Variants in SDS observed in about 807,000 individuals in gnomAD.
The protein encoded by SDS is serine dehydratase.
In SDS, 19 loss-of-function variants were observed where a neutral mutation model predicts 29.3. The ratio of observed to expected loss-of-function variants is 0.65; its 90% confidence interval spans 0.45 to 0.95. The LOEUF is 0.95. SDS is among the 40% of genes least tolerant of loss of function. The pLI, the probability that SDS is intolerant of heterozygous loss-of-function variation, is 0.00. For synonymous variants in SDS, 176 were observed against 189.0 expected (o/e 0.93, Z 0.56); for missense variants, 375 against 439.9 (o/e 0.85, Z 1.32).
intron 1 of SDS, among the ~76,000 whole-genome samples, chr12:113,402,359 C>G (rs898475840): frequency 6.6e-6 from 1 of 152,102 alleles, no homozygotes; most frequent in African/African-American, 2.4e-5. Context: ...GCGGCATGAT[C>G]TCGGCTCACT....
At chr12:113,402,378 C>T (rs1048184473) in intron 1 of SDS, among the ~76,000 whole-genome samples, 10 of 152,112 alleles carry the variant, frequency 6.6e-5, no homozygotes, top group African/African-American at 1.9e-4. Context: ...CTGCAACCTC[C>T]GCCTTCTGGG....
At chr12:113,393,581 C>G (rs1957624949) in intron 7 of SDS, among the ~76,000 whole-genome samples, 1 of 152,158 alleles carries the variant, frequency 6.6e-6, no homozygotes, top group African/African-American at 2.4e-5. Context: ...ACTCTGAGCC[C>G]CATGTTTTCC....
intron 7 of SDS, 146 bp from the exon 8 acceptor site, chr12:113,393,295 T>A (rs1957623242): frequency 1.3e-6 from 1 of 794,772 alleles, no homozygotes; most frequent in African/African-American, 1.7e-5. Context: ...AAACGTCCCG[T>A]CATCGGCCTG....
intron 1 of SDS, 23 bp from the exon 2 acceptor site, chr12:113,399,733 A>G: frequency 2.6e-6 from 4 of 1,543,456 alleles, no homozygotes; most frequent in Non-Finnish European, 3.5e-6. Context: ...AAGGAAACCC[A>G]GAGGGTTAGG....
chr12:113,398,132 G>A (rs929074712), intron 5 of SDS, among the ~76,000 whole-genome samples: 4 of 150,074 alleles, frequency 2.7e-5, no homozygotes, highest in African/African-American at 4.9e-5. Flanking sequence ...GTGCAGTGGC[G>A]TGATCATGGC....
chr12:113,400,937 A>C (rs1405761527), intron 1 of SDS, among the ~76,000 whole-genome samples: 1 of 152,142 alleles, frequency 6.6e-6, no homozygotes, highest in African/African-American at 2.4e-5. Flanking sequence ...GCGGATCACG[A>C]GGTCAGGAGA....
chr12:113,396,567 TTCC>T (rs1250610650), intron 6 of SDS: 1 of 98,008 alleles, frequency 1.0e-5, no homozygotes, highest in African/African-American at 3.9e-5. Context: ...CCTTCCTTCC[TTCC>T]TTCCTTCCTT....
In SDS at chr12:113,397,309, C is replaced by A; in HGVS notation, c.509G>T (p.Gly170Val). The A allele has an allele frequency of 6.2e-7, 1 of 1,614,092 alleles. No individual in the cohort carries two copies. Among genetic ancestry groups the A allele is most frequent in the Non-Finnish European group, 8.5e-7 (1 of 1,179,954 alleles). The part of the protein sequence containing the change: ...PGAIALSVGG[G>V]GLLCGVVQGL... Reference sequence around the variant, plus strand: ...CTGGACCACTCCACACAGCAGGCCCCCGCCGCCCACTGACAGCGCGATGGC... The same window carrying A: ...CTGGACCACTCCACACAGCAGGCCCACGCCGCCCACTGACAGCGCGATGGC... Residue 170 changes from glycine to valine, a missense_variant, in exon 6 of 8, where the codon GGG becomes GTG. By Grantham distance (109) the Gly-to-Val change is moderately radical. Transcript: ENST00000257549.
At chr12:113,399,222 G>C in intron 2 of SDS, 71 bp from the exon 3 acceptor site, 1 of 1,513,432 alleles carries the variant, frequency 6.6e-7, no homozygotes, top group East Asian at 2.3e-5. Flanking sequence ...TCCCCACCTG[G>C]AATACCTGCC....
chr12:113,398,061 CTTT>C (rs71443028), intron 5 of SDS, among the ~76,000 whole-genome samples: 7 of 130,818 alleles, frequency 5.4e-5, no homozygotes, highest in Admixed American at 7.7e-5. Context: ...TGTGTTTCTT[CTTT>C]TTTTTTTTTT....
At chr12:113,398,405 T>G in intron 5 of SDS, 110 bp downstream of exon 5, 2 of 720,872 alleles carry the variant, frequency 2.8e-6, no homozygotes, top group Non-Finnish European at 2.4e-6. Flanking sequence ...TGCGCACACA[T>G]GTGCAGCTGC....
chr12:113,403,419 GA>G, intron 1 of SDS, among the ~76,000 whole-genome samples: 1 of 152,158 alleles, frequency 6.6e-6, no homozygotes, highest in Non-Finnish European at 1.5e-5. Flanking sequence ...AGCTACTCGG[GA>G]GGCTGAGGCA....
chr12:113,401,779 C>T (rs1957685928), intron 1 of SDS, among the ~76,000 whole-genome samples: 2 of 152,118 alleles, frequency 1.3e-5, no homozygotes, highest in African/African-American at 4.8e-5. Context: ...CCACGTCCAC[C>T]CACCCAGCCT....
chr12:113,398,608 T>C lies in SDS; in HGVS notation c.334-2A>G, dbSNP rs746417153. On this transcript the variant is annotated splice_acceptor_variant, in intron 4 of 7. Transcript: ENST00000257549. LOFTEE classifies it high-confidence loss of function. ...CAGCTCGAAGGCTTCATCCAATAACTGCAAAGCCACAGGGGAGATAGGAGG... is the reference window on the plus strand; with the variant it reads ...CAGCTCGAAGGCTTCATCCAATAACCGCAAAGCCACAGGGGAGATAGGAGG... 5 of 1,595,166 alleles carry C rather than the reference T, an allele frequency of 3.1e-6. No individual in the cohort carries two copies. Among genetic ancestry groups the C allele is most frequent in the Non-Finnish European group, 3.4e-6 (4 of 1,168,806 alleles).
At chr12:113,394,335 GTTTTT>G (rs1555207352) in intron 6 of SDS, among the ~76,000 whole-genome samples, 2 of 142,808 alleles carry the variant, frequency 1.4e-5, no homozygotes, top group African/African-American at 2.7e-5. Flanking sequence ...TTTTTTTGTT[GTTTTT>G]TTGTTTTTTT....
chr12:113,399,128 A>C lies in SDS; in HGVS notation c.177T>G (p.His59Gln). The C allele has an allele frequency of 6.2e-7, 1 of 1,613,966 alleles. No individual in the cohort carries two copies. Among genetic ancestry groups the C allele is most frequent in the Non-Finnish European group, 8.5e-7 (1 of 1,179,926 alleles). ...ATCACTTACCCGAGGAGCAGACAAAATGTGCACAGCCTTGCTTGGCCCACT... is the reference window on the plus strand; with the variant it reads ...ATCACTTACCCGAGGAGCAGACAAACTGTGCACAGCCTTGCTTGGCCCACT... ...CKRWAKQGCA[H>Q]FVCSSAGNAG... is the part of the protein sequence containing the mutation. The change falls in exon 3 of 8, where the codon CAT (histidine) becomes CAG (glutamine). Residue 59 changes from histidine to glutamine, a missense_variant. His to Gln is a conservative substitution (Grantham distance 24). Coordinates refer to ENST00000257549, the MANE Select transcript of SDS (RefSeq NM_006843.3).
chr12:113,399,752 C>A (rs1208098562), intron 1 of SDS, 42 bp from the exon 2 acceptor site: 6 of 1,473,084 alleles, frequency 4.1e-6, no homozygotes, highest in African/African-American at 1.4e-5. Context: ...GGAGAGCTAG[C>A]CCCGGTGCCA....
intron 1 of SDS, among the ~76,000 whole-genome samples, chr12:113,400,100 T>G (rs2136935835): frequency 6.6e-6 from 1 of 152,320 alleles, no homozygotes; most frequent in Non-Finnish European, 1.5e-5. Context: ...GAGACCAGCC[T>G]GGCCAACATG....
At position 113,393,293 on chromosome 12, in the gene SDS, C is replaced by G. The variant is rs927082672; in HGVS notation, c.779-144G>C. Reference sequence around the variant, plus strand: ...GCCGCAGGTCCTGAACCAAACGTCCCGTCATCGGCCTGAATTGGCCCTTCC... The same window carrying G: ...GCCGCAGGTCCTGAACCAAACGTCCGGTCATCGGCCTGAATTGGCCCTTCC... On this transcript the variant is annotated intron_variant, in intron 7 of 7. Coordinates refer to ENST00000257549, the MANE Select transcript of SDS (RefSeq NM_006843.3). The G allele has an allele frequency of 8.0e-5, 64 of 795,648 alleles. 2 individuals are homozygous for G. The Middle Eastern group carries it at 1.4e-3, about 17-fold the overall frequency. 49.3% of individuals were successfully genotyped at this position (795,648 alleles called of 1,614,324 possible).
Sources: gnomAD v4.1 joint callset for allele counts (sites outside exome capture counted in the v4.1 genomes callset) on GRCh38, gnomAD v4.1.1 for gene constraint, MANE v1.5 for transcripts, NCBI Gene and HGNC (gene_info 2026-07-23, HGNC 2026-07-21) for gene names.